The following KDM7A variants were observed in gnomAD, a reference collection of about 807,000 sequenced individuals.
KDM7A encodes lysine-specific demethylase 7A.
In KDM7A, 28 loss-of-function variants were observed where a neutral mutation model predicts 114.8. The ratio of observed to expected loss-of-function variants is 0.24; its 90% confidence interval spans 0.18 to 0.33. KDM7A has a LOEUF of 0.33. Among genes scored for constraint, KDM7A ranks in the 10% least tolerant of loss-of-function variants. The pLI, the probability that KDM7A is intolerant of heterozygous loss-of-function variation, is 1.00. For synonymous variants in KDM7A, 423 were observed against 397.8 expected, an observed-to-expected ratio of 1.06 and a Z score of -0.75; for missense variants, 942 against 1,142.5, an observed-to-expected ratio of 0.82 and a Z score of 2.53.
intron 11 of KDM7A, among the ~76,000 whole-genome samples, chr7:140,103,725 G>A (rs1017984878): frequency 6.6e-6 from 1 of 152,170 alleles, no homozygotes; most frequent in Admixed American, 6.5e-5. Context: ...GGACATTTGG[G>A]TTGGTTCCAA....
At chr7:140,128,375 C>T (rs1011978459) in intron 4 of KDM7A, among the ~76,000 whole-genome samples, 1 of 152,162 alleles carries the variant, frequency 6.6e-6, no homozygotes, top group African/African-American at 2.4e-5. Flanking sequence ...TACTTTAATG[C>T]AACTTCATAT....
chr7:140,167,889 CT>C (rs1276496282), intron 1 of KDM7A, among the ~76,000 whole-genome samples: 1 of 151,926 alleles, frequency 6.6e-6, no homozygotes, highest in Non-Finnish European at 1.5e-5. Context: ...GCTAGTACCC[CT>C]AATATGTAAA....
At chr7:140,140,167 A>G (rs113730240) in intron 1 of KDM7A, among the ~76,000 whole-genome samples, 6 of 152,348 alleles carry the variant, frequency 3.9e-5, no homozygotes, top group African/African-American at 1.4e-4. Context: ...AAAACTTGGA[A>G]AGAATTATAA....
chr7:140,169,485 G>A (rs73160856), intron 1 of KDM7A, among the ~76,000 whole-genome samples: 2 of 152,082 alleles, frequency 1.3e-5, no homozygotes, highest in East Asian at 1.9e-4. Flanking sequence ...TACAGAACAG[G>A]AGAGCATTCC....
chr7:140,097,084 GA>G, intron 15 of KDM7A, 37 bp from the exon 16 acceptor site: 3 of 1,535,596 alleles, frequency 2.0e-6, no homozygotes, highest in Non-Finnish European at 2.7e-6. Context: ...AGCTACATAA[GA>G]AATTGACCAA....
At position 140,148,936 on chromosome 7, in the gene KDM7A, G is replaced by T. The variant is rs114268228; in HGVS notation, c.195-9746C>A. On this transcript the variant is annotated intron_variant, in intron 1 of 19. Coordinates refer to ENST00000397560, the MANE Select transcript of KDM7A (RefSeq NM_030647.2). ...TAGTGGCATACTATATGCTTAAGGG[G>T]TCTGAAGTAAATGCATACTCTGAAC... 4.6e-3 allele frequency among the ~76,000 whole-genome samples: 697 copies of T among 152,144 alleles called. 8 individuals carry two copies. Among genetic ancestry groups the T allele is most frequent in the African/African-American group, 0.015 (634 of 41,510 alleles).
intron 1 of KDM7A, among the ~76,000 whole-genome samples, chr7:140,174,934 T>C (rs1483918078): frequency 1.3e-5 from 2 of 151,986 alleles, no homozygotes; most frequent in Non-Finnish European, 2.9e-5. Flanking sequence ...TTTATGCAGT[T>C]TAAACCGCCT....
At chr7:140,093,370 C>G (rs1426935821) in intron 18 of KDM7A, among the ~76,000 whole-genome samples, 1 of 152,204 alleles carries the variant, frequency 6.6e-6, no homozygotes, top group Admixed American at 6.5e-5. Flanking sequence ...CCTTCTCCCC[C>G]ACAAATGTTT....
chr7:140,129,457 T>G, intron 4 of KDM7A, 36 bp downstream of exon 4: 1 of 1,534,522 alleles, frequency 6.5e-7, no homozygotes, highest in Non-Finnish European at 9.0e-7. Context: ...ACTTTTACCA[T>G]GTTTTCCCAG....
intron 6 of KDM7A, 38 bp from the exon 7 acceptor site, chr7:140,124,821 A>G (rs1262325799): frequency 1.5e-6 from 2 of 1,344,122 alleles, no homozygotes; most frequent in South Asian, 2.6e-5. Context: ...AAAAAGCAAA[A>G]GCCATACTTA....
intron 12 of KDM7A, among the ~76,000 whole-genome samples, 186 bp downstream of exon 12, chr7:140,101,765 T>C (rs1209895105): frequency 6.6e-6 from 1 of 152,162 alleles, no homozygotes; most frequent in Admixed American, 6.6e-5. Context: ...TTCATTCAAA[T>C]TCTACACTAA....
At chr7:140,107,230 G>T (rs986030884) in intron 11 of KDM7A, among the ~76,000 whole-genome samples, 4 of 152,088 alleles carry the variant, frequency 2.6e-5, no homozygotes, top group African/African-American at 9.7e-5. Flanking sequence ...TATCCTATTT[G>T]CCGGTATGTG....
rs1818754763 is a variant in KDM7A at position 140,129,562 on chromosome 7, T to C, written c.490A>G (p.Lys164Glu). The C allele has an allele frequency of 1.9e-6, 3 of 1,612,978 alleles. No individual in the cohort carries two copies. Among genetic ancestry groups the C allele is most frequent in the Non-Finnish European group, 2.5e-6 (3 of 1,179,092 alleles). The change falls in exon 4 of 20, where the codon AAA (lysine) becomes GAA (glutamate). Residue 164 changes from lysine (K) to glutamate (E), a missense_variant. This residue lies in a region of KDM7A where 318 missense variants were observed against 453.1 expected (regional missense o/e 0.70). Transcript: ENST00000397560. ...AGCCTGAGTCCTAGATCATCTAATT[T>C]TGGGACCATAATAGGGACATCAAAT... is the stretch of plus-strand genomic sequence containing the variant. ...HGFDVPIMVP[K>E]LDDLGLRLPS...
At chr7:140,104,240 A>T (rs1215222530) in intron 11 of KDM7A, among the ~76,000 whole-genome samples, 1 of 151,802 alleles carries the variant, frequency 6.6e-6, no homozygotes, top group Non-Finnish European at 1.5e-5. Context: ...GATTGCAAAA[A>T]TTTTCTCCCA....
intron 11 of KDM7A, among the ~76,000 whole-genome samples, chr7:140,104,877 TTTGGGCAGTATGGCCA>T (rs1818301353): frequency 6.6e-6 from 1 of 152,208 alleles, no homozygotes; most frequent in African/African-American, 2.4e-5. Flanking sequence ...TATTAATTAC[TTTGGGCAGTATGGCCA>T]TTTTCATATT....
intron 1 of KDM7A, among the ~76,000 whole-genome samples, chr7:140,170,234 A>G (rs1794623605): frequency 6.6e-6 from 1 of 151,342 alleles, no homozygotes; most frequent in Non-Finnish European, 1.5e-5. Context: ...CTTTTCAAAT[A>G]AATATTTTAT....
At chr7:140,140,846 T>A (rs562804144) in intron 1 of KDM7A, among the ~76,000 whole-genome samples, 1 of 151,174 alleles carries the variant, frequency 6.6e-6, no homozygotes, top group Non-Finnish European at 1.5e-5. Flanking sequence ...TACAGTAAAA[T>A]AAGGAAAAGA....
chr7:140,161,769 C>A (rs1794522127), intron 1 of KDM7A, among the ~76,000 whole-genome samples: 1 of 151,904 alleles, frequency 6.6e-6, no homozygotes, highest in South Asian at 2.1e-4. Flanking sequence ...TGGTCTCGAT[C>A]TCCTGACCTC....
At chr7:140,145,181 G>A (rs1011300834) in intron 1 of KDM7A, among the ~76,000 whole-genome samples, 5 of 152,136 alleles carry the variant, frequency 3.3e-5, no homozygotes, top group Non-Finnish European at 7.4e-5. Flanking sequence ...TCACCCATGT[G>A]GTGCAGACCC....
Sources: allele counts gnomAD v4.1 joint callset (sites outside exome capture counted in the v4.1 genomes callset), GRCh38; gene constraint gnomAD v4.1.1; regional missense constraint gnomAD v4.1.1; transcripts MANE v1.5; gene names NCBI Gene and HGNC (gene_info 2026-07-23, HGNC 2026-07-21).